ADGRB3: variants seen among roughly 807,000 people sequenced by gnomAD.
ADGRB3 encodes brain-specific angiogenesis inhibitor 3.
ADGRB3 carries 37 observed loss-of-function variants against 193.4 expected under a neutral mutation model. That is an observed-to-expected ratio of 0.19 (90% CI 0.15 to 0.25). ADGRB3 has a LOEUF of 0.25. Ranked by LOEUF, ADGRB3 falls within the 10% of genes least tolerant of loss-of-function variation. The probability of loss-of-function intolerance (pLI) is 1.00; values close to 1 mark genes in which losing one functional copy is unlikely to be tolerated. For missense variants in ADGRB3, 1,637 were observed against 1,852.9 expected, an observed-to-expected ratio of 0.88 and a Z score of 2.14; for synonymous variants, 690 against 644.2, an observed-to-expected ratio of 1.07 and a Z score of -1.08.
chr6:69,026,762 T>C (rs1291304376), intron 13 of ADGRB3, among the ~76,000 whole-genome samples: 1 of 152,236 alleles, frequency 6.6e-6, no homozygotes, highest in Non-Finnish European at 1.5e-5. Context: ...TATTGAATAC[T>C]GTAGGCAACT....
At chr6:69,302,710 C>G (rs1351966818) in intron 20 of ADGRB3, among the ~76,000 whole-genome samples, 3 of 152,068 alleles carry the variant, frequency 2.0e-5, no homozygotes, top group Middle Eastern at 3.4e-3. Context: ...GTAGAGAGAA[C>G]ATCGTGAAAG....
chr6:68,792,392 T>A (rs1308954731), intron 3 of ADGRB3, among the ~76,000 whole-genome samples: 1 of 152,192 alleles, frequency 6.6e-6, no homozygotes, highest in Non-Finnish European at 1.5e-5. Context: ...GCATTAATGC[T>A]TGGCCTTGTT....
chr6:68,841,917 CA>C (rs144026644), intron 3 of ADGRB3, among the ~76,000 whole-genome samples: 13,735 of 151,694 alleles, frequency 0.091, 825 homozygotes, highest in Non-Finnish European at 0.13. Context: ...TTAATTGGTA[CA>C]AAAAATAGGA....
At chr6:68,946,830 G>A (rs1333011256) in intron 6 of ADGRB3, among the ~76,000 whole-genome samples, 1 of 152,036 alleles carries the variant, frequency 6.6e-6, no homozygotes, top group African/African-American at 2.4e-5. Flanking sequence ...CCACTCTAGC[G>A]AAATAGACAC....
intron 3 of ADGRB3, among the ~76,000 whole-genome samples, chr6:68,840,921 C>A (rs1768146562): frequency 6.6e-6 from 1 of 151,888 alleles, no homozygotes; most frequent in African/African-American, 2.4e-5. Context: ...ATATTTCATG[C>A]CAACGGAAAC....
intron 13 of ADGRB3, among the ~76,000 whole-genome samples, chr6:69,041,785 T>C (rs1464688000): frequency 6.6e-6 from 1 of 152,006 alleles, no homozygotes; most frequent in East Asian, 1.9e-4. Context: ...ATATATGGGG[T>C]CTCACTATGT....
rs140980661 is a variant in ADGRB3 at position 69,371,005 on chromosome 6, G to A, written c.4240-1401G>A. Among the ~76,000 whole-genome samples the A allele has an allele frequency of 1.3e-3, 192 of 152,116 alleles. 2 individuals are homozygous for A. The highest frequency in any genetic ancestry group is 2.2e-3 in the Non-Finnish European group (152 of 67,998). The stretch of plus-strand genomic sequence containing the variant: ...GGGCTCAATGCCTGGATGTCACCAC[G>A]GCGAGGCTGAGGTGCTGTTGGAGAC... On this transcript the variant is annotated intron_variant, in intron 29 of 31. Coordinates refer to ENST00000370598, the MANE Select transcript of ADGRB3 (RefSeq NM_001704.3).
At chr6:69,359,639 T>A (rs886874979) in intron 28 of ADGRB3, among the ~76,000 whole-genome samples, 1 of 151,940 alleles carries the variant, frequency 6.6e-6, no homozygotes, top group African/African-American at 2.4e-5. Flanking sequence ...TAATGAATAA[T>A]AATTATGATT....
At chr6:69,092,620 A>G (rs1772746632) in intron 17 of ADGRB3, among the ~76,000 whole-genome samples, 1 of 152,226 alleles carries the variant, frequency 6.6e-6, no homozygotes, top group Non-Finnish European at 1.5e-5. Context: ...ATATTAATAA[A>G]CACAGATCCT....
Position 68,930,613 on chromosome 6 carries a change from A to T in ADGRB3, c.812A>T (p.His271Leu). Residue 271 changes from histidine to leucine, a missense_variant, in exon 4 of 32, where the codon CAT becomes CTT. By Grantham distance (99) the His-to-Leu change is moderately conservative. Transcript: ENST00000370598. The part of the protein sequence containing the change: ...TIKSQRPRSV[H>L]EKRVPQEQAD... ...AAAAGTCAGCGACCTCGATCTGTTC[A>T]TGAAAAAAGGGTCCCTCAGGAACAA... The T allele has an allele frequency of 6.2e-7, 1 of 1,612,938 alleles. No homozygotes were observed. Among genetic ancestry groups the T allele is most frequent in the African/African-American group, 1.3e-5 (1 of 74,990 alleles).
At chr6:68,643,438 CTTT>C (rs765489730) in intron 3 of ADGRB3, among the ~76,000 whole-genome samples, 53 of 65,018 alleles carry the variant, frequency 8.2e-4, no homozygotes, top group African/African-American at 3.0e-3. Context: ...CTTCATCTTC[CTTT>C]TTTTTTTTTT....
intron 17 of ADGRB3, among the ~76,000 whole-genome samples, chr6:69,196,949 C>T (rs1324199720): frequency 2.0e-5 from 3 of 152,088 alleles, no homozygotes; most frequent in Admixed American, 2.0e-4. Context: ...AGTTATTTTA[C>T]CTCTCAGAGC....
chr6:68,750,832 C>A (rs148342951), intron 3 of ADGRB3, among the ~76,000 whole-genome samples: 1 of 152,286 alleles, frequency 6.6e-6, no homozygotes, highest in East Asian at 1.9e-4. Context: ...CAGTTATTAG[C>A]CTTTAATTCC....
rs538936873 is a variant in ADGRB3 at position 68,664,392 on chromosome 6, G to A, written c.757+24960G>A. ...AGCTGGGGACTTTGGGTCACAATTA[G>A]TTCATGAGAATGGAACTTTCGTGAA... On this transcript the variant is annotated intron_variant, in intron 3 of 31. Coordinates refer to ENST00000370598, the MANE Select transcript of ADGRB3 (RefSeq NM_001704.3). 7.2e-5 allele frequency among the ~76,000 whole-genome samples: 11 copies of A among 151,884 alleles called. No individual in the cohort carries two copies. In the South Asian group the frequency reaches 2.3e-3, roughly 31 times the overall value.
At chr6:69,232,740 A>G (rs1041003597) in intron 17 of ADGRB3, 2 of 927,630 alleles carry the variant, frequency 2.2e-6, no homozygotes, top group Non-Finnish European at 3.2e-6. Context: ...CACAGCAGCT[A>G]TTCTAAAAGG....
intron 26 of ADGRB3, among the ~76,000 whole-genome samples, chr6:69,351,373 T>A (rs1156625383): frequency 1.3e-5 from 2 of 151,628 alleles, no homozygotes; most frequent in African/African-American, 2.4e-5. Context: ...ATTGCAGGCA[T>A]GAGCCACCAC....
At chr6:69,239,055 T>A in intron 19 of ADGRB3, 69 bp from the exon 20 acceptor site, 2 of 807,138 alleles carry the variant, frequency 2.5e-6, no homozygotes, top group Non-Finnish European at 4.0e-6. Flanking sequence ...GCCATCAGTT[T>A]GCACAATATA....
At chr6:68,966,508 C>G (rs905315782) in intron 8 of ADGRB3, among the ~76,000 whole-genome samples, 6 of 152,162 alleles carry the variant, frequency 3.9e-5, no homozygotes, top group Non-Finnish European at 8.8e-5. Flanking sequence ...TCCCAGTTCT[C>G]TTTGCTCCCT....
At chr6:68,681,348 A>C (rs1213705219) in intron 3 of ADGRB3, among the ~76,000 whole-genome samples, 1 of 152,172 alleles carries the variant, frequency 6.6e-6, no homozygotes, top group Non-Finnish European at 1.5e-5. Flanking sequence ...TTGTAGAGAC[A>C]GCATCTCCCT....
Sources: allele counts gnomAD v4.1 joint callset (sites outside exome capture counted in the v4.1 genomes callset), GRCh38; gene constraint gnomAD v4.1.1; transcripts MANE v1.5; gene names NCBI Gene and HGNC (gene_info 2026-07-23, HGNC 2026-07-21).